LRBA: variants seen among roughly 807,000 people sequenced by gnomAD.
LRBA encodes the protein lipopolysaccharide-responsive and beige-like anchor protein.
LRBA carries 176 observed loss-of-function variants against 330.0 expected under a neutral mutation model. The ratio of observed to expected loss-of-function variants is 0.53; its 90% CI spans 0.47 to 0.60. The LOEUF (loss-of-function observed/expected upper bound fraction) is 0.60, where lower values mean the gene tolerates loss of function less well. Ranked by LOEUF, LRBA falls within the 20% of genes least tolerant of loss-of-function variation. The pLI is 0.00. For missense variants in LRBA, 3,259 were observed against 3,444.8 expected (o/e 0.95, Z 1.35); for synonymous variants, 1,230 against 1,193.0 (o/e 1.03, Z -0.64).
At chr4:150,764,651 A>T (rs955533667) in intron 34 of LRBA, among the ~76,000 whole-genome samples, 2 of 152,194 alleles carry the variant, frequency 1.3e-5, no homozygotes, top group East Asian at 3.9e-4. Context: ...AAGAAGATAT[A>T]CAAATGGCAA....
intron 36 of LRBA, among the ~76,000 whole-genome samples, chr4:150,712,452 T>A: frequency 6.6e-6 from 1 of 152,154 alleles, no homozygotes; most frequent in African/African-American, 2.4e-5. Context: ...GTGCTCACAA[T>A]TGTTTGAACT....
intron 42 of LRBA, among the ~76,000 whole-genome samples, chr4:150,473,631 C>T (rs537961854): frequency 3.1e-4 from 47 of 152,262 alleles, no homozygotes; most frequent in African/African-American, 1.1e-3. Flanking sequence ...CTCTGTCCTT[C>T]ACTTCTTACC....
rs1484948342 is a variant in LRBA at position 150,828,550 on chromosome 4, G to A, written c.4801C>T (p.Arg1601Ter). The A allele has an allele frequency of 1.2e-6, 2 of 1,614,004 alleles. No homozygotes were observed. Among genetic ancestry groups the A allele is most frequent in the Non-Finnish European group, 1.7e-6 (2 of 1,179,980 alleles). ...TCCCCAATGCCTGAGTCCCTCCTTCGAGCAGATGATGTGCTTTCAGATTCT... is the reference window on the plus strand; with the variant it reads ...TCCCCAATGCCTGAGTCCCTCCTTCAAGCAGATGATGTGCTTTCAGATTCT... Reference protein sequence around the residue: ...VEESESTSSARRRDSGIGEET... With the variant: ...VEESESTSSA The change falls in exon 30 of 57, where the codon CGA becomes TGA. Residue 1601 changes from arginine to a stop codon, truncating the protein, a stop_gained. Coordinates refer to ENST00000651943, the MANE Select transcript of LRBA (RefSeq NM_001364905.1). LOFTEE classifies it high-confidence loss of function.
At chr4:150,832,023 A>T (rs374839892) in intron 28 of LRBA, 47 bp from the exon 29 acceptor site, 4 of 1,192,716 alleles carry the variant, frequency 3.4e-6, no homozygotes, top group Non-Finnish European at 2.3e-6. Flanking sequence ...ATAAAATAAC[A>T]TCATTATATT....
chr4:150,664,486 C>T (rs1451605946), intron 37 of LRBA, among the ~76,000 whole-genome samples: 6 of 152,134 alleles, frequency 3.9e-5, no homozygotes, highest in Non-Finnish European at 5.9e-5. Flanking sequence ...ATTTATATAT[C>T]CTCTAATCAC....
chr4:150,353,991 C>G (rs1340031266), intron 47 of LRBA, among the ~76,000 whole-genome samples: 2 of 152,108 alleles, frequency 1.3e-5, no homozygotes, highest in African/African-American at 4.8e-5. Context: ...AGTACAAAGT[C>G]AGCTCCGAAC....
chr4:150,883,445 G>A (rs1274301904), intron 17 of LRBA, among the ~76,000 whole-genome samples: 2 of 152,168 alleles, frequency 1.3e-5, no homozygotes, highest in East Asian at 3.9e-4. Context: ...GGGCGACAGA[G>A]TGAGACGCTG....
intron 22 of LRBA, among the ~76,000 whole-genome samples, chr4:150,867,277 A>G (rs916552764): frequency 6.6e-6 from 1 of 152,096 alleles, no homozygotes; most frequent in Admixed American, 6.6e-5. Context: ...CTTGTGTTCA[A>G]AAGCTTTTAA....
chr4:150,768,789 C>T (rs1019088800), intron 34 of LRBA, among the ~76,000 whole-genome samples: 7 of 151,634 alleles, frequency 4.6e-5, no homozygotes, highest in East Asian at 1.9e-4. Context: ...AGGAGAAAAA[C>T]GACTCATAGA....
At position 150,467,654 on chromosome 4, in the gene LRBA, A is replaced by G; in HGVS notation, c.6780+19T>C. ...TATATGCAAGACAATTATATTTCACATCATTACTGAGAAATTACCTTGGAC... is the reference window on the plus strand; with the variant it reads ...TATATGCAAGACAATTATATTTCACGTCATTACTGAGAAATTACCTTGGAC... On this transcript the variant is annotated intron_variant, in intron 44 of 56. Coordinates refer to ENST00000651943, the MANE Select transcript of LRBA (RefSeq NM_001364905.1). 4 of 1,352,256 alleles carry G rather than the reference A, an allele frequency of 3.0e-6. No individual in the cohort carries two copies. Among genetic ancestry groups the G allele is most frequent in the Non-Finnish European group, 4.2e-6 (4 of 952,956 alleles). 83.8% of individuals were successfully genotyped at this position (1,352,256 alleles called of 1,614,324 possible). A position where few individuals can be genotyped will look rare whatever the true frequency, so the allele number is the denominator to read the frequency against.
chr4:150,656,999 T>C (rs1423466013), intron 37 of LRBA, among the ~76,000 whole-genome samples: 2 of 152,166 alleles, frequency 1.3e-5, no homozygotes, highest in East Asian at 3.9e-4. Context: ...GACATCAATG[T>C]TGTAAGAGCC....
chr4:150,556,804 C>A (rs1037282776), intron 40 of LRBA, among the ~76,000 whole-genome samples: 8 of 152,160 alleles, frequency 5.3e-5, no homozygotes, highest in Non-Finnish European at 8.8e-5. Flanking sequence ...AAATTGGATA[C>A]TTCTTCCTAA....
At chr4:150,603,198 G>T (rs933461059) in intron 37 of LRBA, among the ~76,000 whole-genome samples, 3 of 152,186 alleles carry the variant, frequency 2.0e-5, no homozygotes, top group African/African-American at 2.4e-5. Context: ...AGGTACTAAA[G>T]TCTTTGACTG....
chr4:151,003,405 A>C (rs1374812156), intron 2 of LRBA, among the ~76,000 whole-genome samples: 20 of 151,918 alleles, frequency 1.3e-4, no homozygotes, highest in Admixed American at 9.9e-4. Context: ...TCAAAAAAAA[A>C]AAAAAAAACA....
At chr4:150,914,791 C>T (rs950857431) in intron 8 of LRBA, among the ~76,000 whole-genome samples, 4 of 152,100 alleles carry the variant, frequency 2.6e-5, no homozygotes, top group Non-Finnish European at 5.9e-5. Context: ...CATATGAGCC[C>T]TTTTTTGTAC....
At chr4:150,453,429 A>G (rs1056060738) in intron 44 of LRBA, among the ~76,000 whole-genome samples, 1 of 152,204 alleles carries the variant, frequency 6.6e-6, no homozygotes, top group African/African-American at 2.4e-5. Context: ...AGTCTTTCTA[A>G]CAAATGGTGT....
chr4:150,448,091 T>C (rs1388253448), intron 44 of LRBA, among the ~76,000 whole-genome samples: 1 of 152,186 alleles, frequency 6.6e-6, no homozygotes, highest in Non-Finnish European at 1.5e-5. Context: ...CAGAGGTCCT[T>C]AAACAAATCG....
intron 2 of LRBA, among the ~76,000 whole-genome samples, chr4:150,958,168 G>C (rs1275441884): frequency 6.7e-6 from 1 of 148,940 alleles, no homozygotes; most frequent in Non-Finnish European, 1.5e-5. Flanking sequence ...CTCTGTGAGG[G>C]CTCCACCCCT....
chr4:150,525,458 G>T (rs552050013), intron 40 of LRBA, among the ~76,000 whole-genome samples: 2 of 152,198 alleles, frequency 1.3e-5, no homozygotes, highest in East Asian at 3.9e-4. Flanking sequence ...GGGAAAATGG[G>T]CTGTGTGCTA....
Sources: allele counts gnomAD v4.1 joint callset (sites outside exome capture counted in the v4.1 genomes callset), GRCh38; gene constraint gnomAD v4.1.1; transcripts MANE v1.5; gene names NCBI Gene and HGNC (gene_info 2026-07-23, HGNC 2026-07-21).